ATXN2L: variants seen among roughly 807,000 people sequenced by gnomAD.
ATXN2L encodes ataxin 2 like, also known as ataxin-2-like protein.
In ATXN2L, 24 loss-of-function variants were observed where a neutral mutation model predicts 120.7. The ratio of observed to expected loss-of-function variants is 0.20; its 90% CI spans 0.14 to 0.28. The LOEUF is 0.28. ATXN2L is among the 10% of genes least tolerant of loss of function. The pLI, the probability that ATXN2L is intolerant of heterozygous loss-of-function variation, is 1.00. For synonymous variants in ATXN2L, 653 were observed against 568.1 expected (o/e 1.15, Z -2.13); for missense variants, 1,312 against 1,432.3 (o/e 0.92, Z 1.36).
chr16:28,825,582 A>G lies in ATXN2L; in HGVS notation c.337-42A>G, dbSNP rs1228116589. ...ATTTAGAAAAGAAAATGAGGTGTTG[A>G]CTGATTACTCCTTTAATTCTCCCTC... is the stretch of plus-strand genomic sequence containing the variant. On this transcript the variant is annotated intron_variant, in intron 2 of 21. Coordinates refer to ENST00000336783, the MANE Select transcript of ATXN2L (RefSeq NM_007245.4). 1.9e-6 allele frequency: 3 copies of G among 1,598,378 alleles called. No homozygotes were observed. In the Admixed American group the frequency reaches 5.0e-5, roughly 27 times the overall value.
chr16:28,834,449 T>G (rs1353278937), intron 17 of ATXN2L, 34 bp downstream of exon 17: 2 of 1,613,644 alleles, frequency 1.2e-6, no homozygotes, highest in Non-Finnish European at 8.5e-7. Flanking sequence ...GCGGCGAGGC[T>G]GCCAAGGGCC....
chr16:28,836,592 T>C lies in ATXN2L; in HGVS notation c.*327T>C. ...GGAAACAGCGATTGACCTGTGCTTC[T>C]GACAGCCCCCGAGACACCTTGAGGA... On this transcript the variant is annotated 3_prime_UTR_variant, in exon 22 of 22. Coordinates refer to ENST00000336783, the MANE Select transcript of ATXN2L (RefSeq NM_007245.4). 1.3e-6 allele frequency: 2 copies of C among 1,574,800 alleles called. No homozygotes were observed. Among genetic ancestry groups the C allele is most frequent in the Non-Finnish European group, 1.7e-6 (2 of 1,163,596 alleles).
At chr16:28,827,038 T>C (rs753469638) in intron 6 of ATXN2L, 52 bp downstream of exon 6, 8 of 1,369,938 alleles carry the variant, frequency 5.8e-6, no homozygotes, top group Non-Finnish European at 7.6e-6. Flanking sequence ...GAATGGGTTG[T>C]TGACAGTGAG....
intron 4 of ATXN2L, 51 bp from the exon 5 acceptor site, chr16:28,826,189 T>A (rs554532895): frequency 6.2e-7 from 1 of 1,601,404 alleles, no homozygotes; most frequent in Admixed American, 1.7e-5. Flanking sequence ...TATTTTTGCC[T>A]TCACTTTTCT....
chr16:28,823,269 C>T lies in ATXN2L; in HGVS notation c.10C>T (p.Pro4Ser). 1.3e-6 allele frequency: 2 copies of T among 1,495,224 alleles called. No homozygotes were observed. Among genetic ancestry groups the T allele is most frequent in the South Asian group, 1.3e-5 (1 of 78,152 alleles). The allele number at this position is 1,495,224 out of a possible 1,614,324, so 92.6% of individuals were successfully genotyped here. ...TCCGGACGCTGCCATCATGTTGAAG[C>T]CTCAGCCGCTACAACAGCCCTCCCA... MLK[P>S]QPLQQPSQPQ... Residue 4 changes from proline (P) to serine (S), a missense_variant, in exon 1 of 22, where the codon CCT becomes TCT. By Grantham distance (74) the Pro-to-Ser change is moderately conservative (BLOSUM62 -1). Coordinates refer to ENST00000336783, the MANE Select transcript of ATXN2L (RefSeq NM_007245.4).
In ATXN2L at chr16:28,834,220, A is replaced by G. The variant is rs540130989; in HGVS notation, c.2172+9A>G. The G allele has an allele frequency of 6.2e-7, 1 of 1,612,490 alleles. No individual in the cohort carries two copies. Among genetic ancestry groups the G allele is most frequent in the African/African-American group, 1.3e-5 (1 of 74,980 alleles). On this transcript the variant is annotated intron_variant, in intron 16 of 21. Transcript: ENST00000336783. ...TGGGACCAGCTGTGCAGGTATGCAG[A>G]GAGACTGGCCGGGCCCAGGGTTAGC... is the stretch of plus-strand genomic sequence containing the variant.
At position 28,836,257 on chromosome 16, in the gene ATXN2L, G is replaced by A. The variant is rs1231456802; in HGVS notation, c.3220G>A (p.Gly1074Arg). ...QVGQDARVLG[G>R]E Reference sequence around the variant, plus strand: ...GGGGCAGGATGCACGGGTTCTGGGTGGGGAGTGAGGGGTCTTGGAGGCAGG... The same window carrying A: ...GGGGCAGGATGCACGGGTTCTGGGTAGGGAGTGAGGGGTCTTGGAGGCAGG... The change falls in exon 22 of 22, where the codon GGG (glycine) becomes AGG (arginine). Residue 1074 changes from glycine (G) to arginine (R), a missense_variant. Physicochemically the swap from Gly to Arg is moderately radical, Grantham distance 125. Coordinates refer to ENST00000336783, the MANE Select transcript of ATXN2L (RefSeq NM_007245.4). 6.2e-7 allele frequency: 1 copy of A among 1,611,708 alleles called. No individual in the cohort carries two copies. The highest frequency in any genetic ancestry group is 2.2e-5 in the East Asian group (1 of 44,848).
At chr16:28,830,186 G>A (rs574290282) in intron 8 of ATXN2L, 128 bp downstream of exon 8, 11 of 925,864 alleles carry the variant, frequency 1.2e-5, no homozygotes, top group Admixed American at 6.7e-5. Flanking sequence ...GGTTTAGGAG[G>A]TTGAGGTAAA....
At chr16:28,835,841 T>G in intron 21 of ATXN2L, 83 bp downstream of exon 21, 1 of 1,590,596 alleles carries the variant, frequency 6.3e-7, no homozygotes, top group Non-Finnish European at 8.6e-7. Flanking sequence ...AAGTCCCTGG[T>G]GCCACCCTTG....
chr16:28,827,053 A>C, intron 6 of ATXN2L, 67 bp downstream of exon 6: 1 of 1,333,428 alleles, frequency 7.5e-7, no homozygotes, highest in African/African-American at 1.5e-5. Flanking sequence ...AGTGAGGTTC[A>C]TTTGAGTGGG....
chr16:28,833,741 A>T (rs1461254526), intron 15 of ATXN2L: 3 of 611,894 alleles, frequency 4.9e-6, no homozygotes, highest in Non-Finnish European at 5.7e-6. Context: ...GAGTCTGATG[A>T]GGGGTTAACA....
rs780915704 is a variant in ATXN2L at position 28,834,122 on chromosome 16, A to T, written c.2083A>T (p.Ile695Phe). The change falls in exon 16 of 22, where the codon ATC becomes TTC. Residue 695 changes from isoleucine (I) to phenylalanine (F), a missense_variant. By Grantham distance (21) the Ile-to-Phe change is conservative. Coordinates refer to ENST00000336783, the MANE Select transcript of ATXN2L (RefSeq NM_007245.4). ...GCCCCGGACTCATTCAACTCCCTCC[A>T]TCCCGGTGCTGACAGCAGGCCAGAG... The part of the protein sequence containing the change: ...PGPRTHSTPS[I>F]PVLTAGQSGL... The T allele has an allele frequency of 3.0e-5, 49 of 1,613,932 alleles. No individual in the cohort carries two copies. The highest frequency in any genetic ancestry group is 5.1e-6 in the Non-Finnish European group (6 of 1,180,004).
chr16:28,836,140 G>T lies in ATXN2L; in HGVS notation c.3103G>T (p.Ala1035Ser). The change falls in exon 22 of 22, where the codon GCG becomes TCG. Residue 1035 changes from alanine to serine, a missense_variant. By Grantham distance (99) the Ala-to-Ser change is moderately conservative. Coordinates refer to ENST00000336783, the MANE Select transcript of ATXN2L (RefSeq NM_007245.4). ...GHPQGEQPGQ[A>S]PGFPGGADDR... ...CCCCCAAGGTGAGCAGCCTGGCCAGGCGCCTGGATTTCCAGGAGGAGCCGA... is the reference window on the plus strand; with the variant it reads ...CCCCCAAGGTGAGCAGCCTGGCCAGTCGCCTGGATTTCCAGGAGGAGCCGA... 6.2e-7 allele frequency: 1 copy of T among 1,614,134 alleles called. No individual in the cohort carries two copies. Among genetic ancestry groups the T allele is most frequent in the Non-Finnish European group, 8.5e-7 (1 of 1,180,004 alleles).
At position 28,823,116 on chromosome 16, in the gene ATXN2L, C is replaced by G. The variant is rs1596826197; in HGVS notation, c.-144C>G. On this transcript the variant is annotated 5_prime_UTR_variant, in exon 1 of 22. Coordinates refer to ENST00000336783, the MANE Select transcript of ATXN2L (RefSeq NM_007245.4). Reference sequence around the variant, plus strand: ...CGCCGCGGTCTTCTCTCTCCACCCCCGACACCGCGGGGCTCCCCCCGCCCG... The same window carrying G: ...CGCCGCGGTCTTCTCTCTCCACCCCGGACACCGCGGGGCTCCCCCCGCCCG... 10 of 416,028 alleles carry G rather than the reference C, an allele frequency of 2.4e-5. No homozygotes were observed. The East Asian group carries it at 3.7e-4, about 15-fold the overall frequency. 25.8% of individuals were successfully genotyped at this position (416,028 alleles called of 1,614,324 possible).
At chr16:28,834,002 C>A in intron 15 of ATXN2L, 63 bp from the exon 16 acceptor site, 1 of 1,557,056 alleles carries the variant, frequency 6.4e-7, no homozygotes. Context: ...TATTACCACT[C>A]TAGGCATGGC....
chr16:28,824,312 T>A, intron 1 of ATXN2L: 7 of 1,199,218 alleles, frequency 5.8e-6, no homozygotes, highest in Non-Finnish European at 7.4e-6. Context: ...TTAATGGAAT[T>A]AAGAGTGGCA....
intron 7 of ATXN2L, 62 bp downstream of exon 7, chr16:28,829,554 G>A (rs1446456391): frequency 1.6e-6 from 2 of 1,257,078 alleles, no homozygotes; most frequent in Non-Finnish European, 2.3e-6. Flanking sequence ...AGTGAAGACA[G>A]GTTTCCAGGT....
chr16:28,832,823 G>A lies in ATXN2L; in HGVS notation c.1595G>A (p.Gly532Asp). Residue 532 changes from glycine to aspartate, a missense_variant, in exon 13 of 22, where the codon GGT becomes GAT. By Grantham distance (94) the Gly-to-Asp change is moderately conservative (BLOSUM62 -1). Coordinates refer to ENST00000336783, the MANE Select transcript of ATXN2L (RefSeq NM_007245.4). ...ELARIAGKVP[G>D]LQNEQKRFQL... Reference sequence around the variant, plus strand: ...TTTGACTGTTTTCTCATAGTCCCTGGTCTTCAGAATGAACAGAAACGATTC... The same window carrying A: ...TTTGACTGTTTTCTCATAGTCCCTGATCTTCAGAATGAACAGAAACGATTC... 1 of 1,614,098 alleles carries A rather than the reference G, an allele frequency of 6.2e-7. No homozygotes were observed. Among genetic ancestry groups the A allele is most frequent in the Admixed American group, 1.7e-5 (1 of 60,010 alleles).
intron 1 of ATXN2L, 194 bp downstream of exon 1, chr16:28,823,752 G>C (rs1388386216): frequency 3.9e-6 from 2 of 508,202 alleles, no homozygotes; most frequent in African/African-American, 4.0e-5. Flanking sequence ...CCGGAGCACT[G>C]AGGGGCCGCG....
Sources: allele counts gnomAD v4.1 joint callset, GRCh38; gene constraint gnomAD v4.1.1; transcripts MANE v1.5; gene names NCBI Gene and HGNC (gene_info 2026-07-23, HGNC 2026-07-21).